Variants in ZYG11A observed in about 807,000 individuals in gnomAD.
The protein encoded by ZYG11A is zyg-11 family member A, cell cycle regulator.
In ZYG11A, 62 loss-of-function variants were observed where a neutral mutation model predicts 77.2. The ratio of observed to expected loss-of-function variants is 0.80; its 90% CI spans 0.65 to 0.99. The LOEUF is 0.99. Ranked by LOEUF, ZYG11A falls within the 50% of genes least tolerant of loss-of-function variation. The pLI is 0.00. For missense variants in ZYG11A, 828 were observed against 896.8 expected (o/e 0.92, Z 0.98); for synonymous variants, 315 against 324.6 (o/e 0.97, Z 0.32).
At chr1:52,852,139 C>T (rs1476692205) in intron 1 of ZYG11A, among the ~76,000 whole-genome samples, 17 of 151,966 alleles carry the variant, frequency 1.1e-4, no homozygotes, top group African/African-American at 3.9e-4. Context: ...TGGTCTTGAA[C>T]TGCTGACCTC....
chr1:52,854,518 T>C lies in ZYG11A; in HGVS notation c.144T>C (p.Ala48=). The C allele has an allele frequency of 3.2e-6, 5 of 1,551,662 alleles. No homozygotes were observed. Among genetic ancestry groups the C allele is most frequent in the Non-Finnish European group, 4.4e-6 (5 of 1,146,704 alleles). Residue 48 remains alanine, a synonymous_variant, in exon 2 of 14, where the codon GCT becomes GCC. Transcript: ENST00000371528. ...LVNICLNVLI[A]NLEKLCSERP... ...ACATCTGCCTGAATGTCCTGATTGCTAACCTGGAGAAATTGTGTTCTGAAA... is the reference window on the plus strand; with the variant it reads ...ACATCTGCCTGAATGTCCTGATTGCCAACCTGGAGAAATTGTGTTCTGAAA...
intron 8 of ZYG11A, 27 bp from the exon 9 acceptor site, chr1:52,877,655 C>T (rs1646284951): frequency 6.5e-7 from 1 of 1,533,556 alleles, no homozygotes; most frequent in African/African-American, 1.4e-5. Flanking sequence ...GAGCATCTAA[C>T]TCCCTCCCTG....
intron 8 of ZYG11A, among the ~76,000 whole-genome samples, chr1:52,871,751 T>C (rs1258577194): frequency 6.6e-6 from 1 of 152,238 alleles, no homozygotes; most frequent in Non-Finnish European, 1.5e-5. Context: ...TTCTTTTAGT[T>C]ATCCTTATCT....
intron 3 of ZYG11A, 146 bp downstream of exon 3, chr1:52,857,895 T>A: frequency 1.2e-5 from 7 of 592,914 alleles, no homozygotes; most frequent in Non-Finnish European, 1.9e-5. Flanking sequence ...TAATGATTAT[T>A]ATGTACCTAC....
Position 52,894,335 on chromosome 1 carries a change from A to G in ZYG11A, c.*1378A>G, listed in dbSNP as rs938339030. On this transcript the variant is annotated 3_prime_UTR_variant, in exon 14 of 14. Transcript: ENST00000371528. ...CGAAAGGCCAGAAAGAGACTTTGCCAGAGAGTTCACGGAGTTTTCTTACCC... is the reference window on the plus strand; with the variant it reads ...CGAAAGGCCAGAAAGAGACTTTGCCGGAGAGTTCACGGAGTTTTCTTACCC... 5 of 152,184 alleles carry G rather than the reference A, an allele frequency of 3.3e-5. No homozygotes were observed. The highest frequency in any genetic ancestry group is 9.6e-5 in the African/African-American group (4 of 41,456). 9.4% of individuals were successfully genotyped at this position (152,184 alleles called of 1,614,324 possible).
At chr1:52,879,370 G>A (rs1012511789) in intron 10 of ZYG11A, among the ~76,000 whole-genome samples, 3 of 152,118 alleles carry the variant, frequency 2.0e-5, no homozygotes, top group East Asian at 3.8e-4. Flanking sequence ...TGGGACCCTT[G>A]GTTCTAGGTC....
chr1:52,854,527 G>A lies in ZYG11A; in HGVS notation c.153G>A (p.Glu51=), dbSNP rs774963740. ...ICLNVLIANL[E]KLCSERPDGT... ...TGAATGTCCTGATTGCTAACCTGGA[G>A]AAATTGTGTTCTGAAAGACCTGATG... The change falls in exon 2 of 14, where the codon GAG becomes GAA. Residue 51 remains glutamate, a synonymous_variant. Transcript: ENST00000371528. The A allele has an allele frequency of 1.9e-6, 3 of 1,551,698 alleles. No homozygotes were observed. Among genetic ancestry groups the A allele is most frequent in the Non-Finnish European group, 2.6e-6 (3 of 1,146,834 alleles).
intron 11 of ZYG11A, among the ~76,000 whole-genome samples, chr1:52,884,865 C>T (rs1021088072): frequency 9.2e-5 from 14 of 151,800 alleles, no homozygotes; most frequent in Non-Finnish European, 1.3e-4. Flanking sequence ...TCGGGGAGTC[C>T]GAATCCTTTG....
At chr1:52,845,832 A>G (rs1645564307) in intron 1 of ZYG11A, among the ~76,000 whole-genome samples, 1 of 151,724 alleles carries the variant, frequency 6.6e-6, no homozygotes, top group Non-Finnish European at 1.5e-5. Flanking sequence ...GTGCACCACC[A>G]TGCCTGGCTG....
Position 52,857,133 on chromosome 1 carries a change from A to G in ZYG11A, c.392A>G (p.Asn131Ser). 6.4e-7 allele frequency: 1 copy of G among 1,551,886 alleles called. No individual in the cohort carries two copies. The highest frequency in any genetic ancestry group is 8.7e-7 in the Non-Finnish European group (1 of 1,147,044). ...TGCCGTCATAAGCTCATTGAACTGA[A>G]TGCTACTGCAGTGCACGCTGACCTC... ...AFCRHKLIEL[N>S]ATAVHADLPV... The change falls in exon 3 of 14, where the codon AAT (asparagine) becomes AGT (serine). Residue 131 changes from asparagine (N) to serine (S), a missense_variant. By Grantham distance (46) the Asn-to-Ser change is conservative. Coordinates refer to ENST00000371528, the MANE Select transcript of ZYG11A (RefSeq NM_001004339.3).
intron 11 of ZYG11A, among the ~76,000 whole-genome samples, chr1:52,882,596 A>G (rs1313163734): frequency 6.6e-6 from 1 of 152,090 alleles, no homozygotes; most frequent in Non-Finnish European, 1.5e-5. Flanking sequence ...ATGAGACCAT[A>G]CCTGTTTAAA....
At chr1:52,873,974 A>G (rs1227242620) in intron 8 of ZYG11A, among the ~76,000 whole-genome samples, 1 of 151,908 alleles carries the variant, frequency 6.6e-6, no homozygotes, top group African/African-American at 2.4e-5. Flanking sequence ...ACAAGAGTGA[A>G]ACTCCGTCTC....
chr1:52,866,350 A>C (rs1646027513), intron 5 of ZYG11A, among the ~76,000 whole-genome samples, 153 bp from the exon 6 acceptor site: 1 of 152,220 alleles, frequency 6.6e-6, no homozygotes, highest in African/African-American at 2.4e-5. Context: ...CATGGCAGTC[A>C]TCAGTTACAG....
intron 11 of ZYG11A, among the ~76,000 whole-genome samples, chr1:52,884,514 C>T (rs1487454161): frequency 2.1e-5 from 3 of 144,208 alleles, no homozygotes; most frequent in Admixed American, 6.9e-5. Context: ...AAAAGCCGGG[C>T]GTGGTGGTGG....
intron 1 of ZYG11A, among the ~76,000 whole-genome samples, chr1:52,843,691 T>TTC (rs1645502049): frequency 1.4e-5 from 2 of 146,362 alleles, no homozygotes; most frequent in Non-Finnish European, 3.0e-5. Flanking sequence ...TTTCTTTCTT[T>TTC]TTTTTTTTTT....
chr1:52,889,449 A>C lies in ZYG11A; in HGVS notation c.2104+2396A>C, dbSNP rs535551945. Among the ~76,000 whole-genome samples the C allele has an allele frequency of 3.3e-5, 5 of 151,806 alleles. No individual in the cohort carries two copies. The East Asian group carries it at 9.6e-4, about 29-fold the overall frequency. ...TTTTTTCTTTTAAATTAAAAAAAAA[A>C]ACACCTCAAAACAAAAAGCAACAGG... On this transcript the variant is annotated intron_variant, in intron 13 of 13. Coordinates refer to ENST00000371528, the MANE Select transcript of ZYG11A (RefSeq NM_001004339.3).
At chr1:52,865,935 T>G (rs1443668931) in intron 5 of ZYG11A, among the ~76,000 whole-genome samples, 1 of 43,804 alleles carries the variant, frequency 2.3e-5, no homozygotes, top group East Asian at 2.2e-4. Context: ...TAAAGGGAGT[T>G]TTTTTTTTTT....
At position 52,868,695 on chromosome 1, in the gene ZYG11A, G is replaced by A. The variant is rs532173909; in HGVS notation, c.1542+918G>A. Among the ~76,000 whole-genome samples the A allele has an allele frequency of 1.0e-3, 153 of 152,274 alleles. 3 individuals are homozygous for A. The South Asian group carries it at 0.011, about 11-fold the overall frequency. On this transcript the variant is annotated intron_variant, in intron 8 of 13. Transcript: ENST00000371528. ...CCAGCTACTTGGGAGGCTGAGGCAC[G>A]AGGATTGTTTGAGCCCAGGAGGTGG...
Position 52,857,416 on chromosome 1 carries a change from C to T in ZYG11A, c.675C>T (p.Thr225=). The T allele has an allele frequency of 6.4e-7, 1 of 1,551,924 alleles. No individual in the cohort carries two copies. The highest frequency in any genetic ancestry group is 1.2e-5 in the South Asian group (1 of 84,056). Residue 225 remains threonine, a synonymous_variant, in exon 3 of 14, where the codon ACC becomes ACT. Transcript: ENST00000371528. ...TCACTGATATTTCTGCACTGCTTAC[C>T]TGTAAGGATCGATTGAAGTCTCTCA... ...TLVTDISALL[T]CKDRLKSLTM...
Sources: allele counts gnomAD v4.1 joint callset (sites outside exome capture counted in the v4.1 genomes callset), GRCh38; gene constraint gnomAD v4.1.1; transcripts MANE v1.5; gene names NCBI Gene and HGNC (gene_info 2026-07-23, HGNC 2026-07-21).